EMC2: variants seen among roughly 807,000 people sequenced by gnomAD.
The protein encoded by EMC2 is ER membrane protein complex subunit 2.
In EMC2, 37 loss-of-function variants were observed where a neutral mutation model predicts 51.6. The observed-to-expected ratio is 0.72, with a 90% CI of 0.55 to 0.94. EMC2 has a LOEUF of 0.94. Among genes scored for constraint, EMC2 ranks in the 40% least tolerant of loss-of-function variants. The pLI is 0.00. For missense variants in EMC2, 359 were observed against 350.9 expected (o/e 1.02, Z -0.18); for synonymous variants, 131 against 112.4 (o/e 1.17, Z -1.04).
intron 7 of EMC2, among the ~76,000 whole-genome samples, chr8:108,472,512 A>C (rs1024268701): frequency 6.6e-6 from 1 of 151,470 alleles, no homozygotes; most frequent in African/African-American, 2.4e-5. Context: ...TTTTGGTCTT[A>C]AAGCTAGTTA....
At chr8:108,475,170 C>T (rs576130468) in intron 7 of EMC2, 3 of 151,930 alleles carry the variant, frequency 2.0e-5, no homozygotes, top group East Asian at 3.9e-4. Context: ...TGGCATTAAA[C>T]GTTTAAAATA....
chr8:108,466,442 A>ATTTTTTTTTTTTT (rs869102478), intron 5 of EMC2, among the ~76,000 whole-genome samples: 7 of 91,062 alleles, frequency 7.7e-5, no homozygotes, highest in African/African-American at 2.8e-4. Context: ...CTATGATAGA[A>ATTTTTTTTTTTTT]TTTTTTTTTT....
At chr8:108,460,252 AT>A (rs1299526961) in intron 5 of EMC2, among the ~76,000 whole-genome samples, 3 of 152,240 alleles carry the variant, frequency 2.0e-5, no homozygotes, top group Admixed American at 6.5e-5. Context: ...GGAATTTTTA[AT>A]AAGTTATTTC....
chr8:108,481,647 G>A (rs898206673), intron 10 of EMC2, among the ~76,000 whole-genome samples: 3 of 152,058 alleles, frequency 2.0e-5, no homozygotes, highest in African/African-American at 7.2e-5. Flanking sequence ...AGTCATAAAT[G>A]TGCCTTTCAG....
intron 5 of EMC2, among the ~76,000 whole-genome samples, chr8:108,458,812 T>C (rs777499156): frequency 3.3e-5 from 5 of 152,350 alleles, no homozygotes; most frequent in African/African-American, 7.2e-5. Flanking sequence ...TTGTTACTTA[T>C]GCAAATTTCT....
chr8:108,477,782 A>T (rs568797374), intron 9 of EMC2, among the ~76,000 whole-genome samples: 2 of 152,084 alleles, frequency 1.3e-5, no homozygotes, highest in Non-Finnish European at 2.9e-5. Flanking sequence ...CTAATATACA[A>T]CAAATTAATA....
At position 108,487,503 on chromosome 8, in the gene EMC2, TC is replaced by T. The variant is rs1811164453; in HGVS notation, c.*906del. ...ATAATAAACAACCATTATGCTACCT[TC>T]AACAGTATTTGACATGTTTCAACAA... On this transcript the variant is annotated 3_prime_UTR_variant, in exon 11 of 11. Transcript: ENST00000220853. Among the ~76,000 whole-genome samples the T allele has an allele frequency of 6.6e-6, 1 of 152,134 alleles. No individual in the cohort carries two copies. Among genetic ancestry groups the T allele is most frequent in the South Asian group, 2.1e-4 (1 of 4,832 alleles).
At chr8:108,458,367 C>T (rs1048072954) in intron 5 of EMC2, among the ~76,000 whole-genome samples, 1 of 152,202 alleles carries the variant, frequency 6.6e-6, no homozygotes, top group African/African-American at 2.4e-5. Flanking sequence ...GGGGCTCTGG[C>T]CCCACATTTC....
chr8:108,453,207 T>C, intron 4 of EMC2, 60 bp downstream of exon 4: 1 of 1,002,080 alleles, frequency 1.0e-6, no homozygotes, highest in Non-Finnish European at 1.5e-6. Context: ...GTGTTAATTT[T>C]TTTTTTTTTA....
In EMC2 at chr8:108,486,936, C is replaced by A; in HGVS notation, c.*338C>A. The A allele has an allele frequency of 5.9e-6, 1 of 169,458 alleles. No individual in the cohort carries two copies. Among genetic ancestry groups the A allele is most frequent in the Non-Finnish European group, 1.2e-5 (1 of 80,200 alleles). 10.5% of individuals were successfully genotyped at this position (169,458 alleles called of 1,614,324 possible). ...AACTTGCATATGAAGATTCTAACTT[C>A]ATTTTGTTATACTCACAGTGGATAT... On this transcript the variant is annotated 3_prime_UTR_variant, in exon 11 of 11. Coordinates refer to ENST00000220853, the MANE Select transcript of EMC2 (RefSeq NM_014673.5).
intron 10 of EMC2, among the ~76,000 whole-genome samples, chr8:108,481,588 A>G (rs1811045388): frequency 6.6e-6 from 1 of 152,186 alleles, no homozygotes; most frequent in South Asian, 2.1e-4. Flanking sequence ...ATCAATTTTT[A>G]CTAAATTAAT....
chr8:108,448,590 T>A (rs1586173987), intron 1 of EMC2, among the ~76,000 whole-genome samples: 1 of 152,166 alleles, frequency 6.6e-6, no homozygotes, highest in Non-Finnish European at 1.5e-5. Flanking sequence ...AGGATATGAC[T>A]TTTTCCTTCT....
At chr8:108,448,146 C>T (rs1554616341) in intron 1 of EMC2, among the ~76,000 whole-genome samples, 1 of 152,058 alleles carries the variant, frequency 6.6e-6, no homozygotes, top group Non-Finnish European at 1.5e-5. Context: ...AATATCCAAA[C>T]TATTGTACGA....
rs11985994 is a variant in EMC2 at position 108,456,682 on chromosome 8, G to A, written c.363+752G>A. 8.8e-3 allele frequency among the ~76,000 whole-genome samples: 1,333 copies of A among 152,148 alleles called. 26 individuals carry two copies. Among genetic ancestry groups the A allele is most frequent in the African/African-American group, 0.03 (1,250 of 41,484 alleles). ...TTGTTCTGAAGATACCTATATAGTAGTATTTGTTTGAAAAATACCCTGGTG... is the reference window on the plus strand; with the variant it reads ...TTGTTCTGAAGATACCTATATAGTAATATTTGTTTGAAAAATACCCTGGTG... On this transcript the variant is annotated intron_variant, in intron 5 of 10. Transcript: ENST00000220853.
chr8:108,486,789 C>A lies in EMC2; in HGVS notation c.*191C>A. ...TGCTAAGTGGGGAGATGGGGGAAAT[C>A]CATGGAAGAGAGATTTAAGACTTAT... On this transcript the variant is annotated 3_prime_UTR_variant, in exon 11 of 11. Coordinates refer to ENST00000220853, the MANE Select transcript of EMC2 (RefSeq NM_014673.5). The A allele has an allele frequency of 2.1e-6, 1 of 472,604 alleles. No individual in the cohort carries two copies. The highest frequency in any genetic ancestry group is 3.6e-6 in the Non-Finnish European group (1 of 276,864). 29.3% of individuals were successfully genotyped at this position (472,604 alleles called of 1,614,324 possible). A position where few individuals can be genotyped will look rare whatever the true frequency, so the allele number is the denominator to read the frequency against.
At chr8:108,449,726 A>G (rs1818969640) in intron 1 of EMC2, 97 bp from the exon 2 acceptor site, 1 of 578,292 alleles carries the variant, frequency 1.7e-6, no homozygotes, top group African/African-American at 1.9e-5. Context: ...CCTTACCTAA[A>G]AAGCTGATTT....
intron 5 of EMC2, among the ~76,000 whole-genome samples, chr8:108,458,370 C>T (rs550303037): frequency 6.6e-6 from 1 of 152,334 alleles, no homozygotes; most frequent in Admixed American, 6.5e-5. Flanking sequence ...GCTCTGGCCC[C>T]ACATTTCACT....
At chr8:108,445,721 TCTC>T (rs1429569328) in intron 1 of EMC2, among the ~76,000 whole-genome samples, 1 of 152,158 alleles carries the variant, frequency 6.6e-6, no homozygotes, top group African/African-American at 2.4e-5. Context: ...AAATTTTGTC[TCTC>T]CTAAGATGAA....
intron 2 of EMC2, among the ~76,000 whole-genome samples, chr8:108,450,182 A>G (rs1034286038): frequency 7.2e-5 from 11 of 152,274 alleles, no homozygotes; most frequent in South Asian, 4.1e-4. Flanking sequence ...GCCAAAATGT[A>G]TTGTGTATGG....
Sources: allele counts gnomAD v4.1 joint callset (sites outside exome capture counted in the v4.1 genomes callset), GRCh38; gene constraint gnomAD v4.1.1; transcripts MANE v1.5; gene names NCBI Gene and HGNC (gene_info 2026-07-23, HGNC 2026-07-21).